KLF8: variants seen among roughly 807,000 people sequenced by gnomAD.
The protein encoded by KLF8 is Krueppel-like factor 8.
Under a neutral mutation model 18.2 loss-of-function variants are expected in KLF8, and 10 were observed. The ratio of observed to expected loss-of-function variants is 0.55; its 90% confidence interval spans 0.34 to 0.93. KLF8 has a LOEUF of 0.93. Among genes scored for constraint, KLF8 ranks in the 40% least tolerant of loss-of-function variants. The probability of loss-of-function intolerance (pLI) is 0.02; values close to 1 mark genes in which losing one functional copy is unlikely to be tolerated. For missense variants in KLF8, 264 were observed against 277.9 expected, an observed-to-expected ratio of 0.95 and a Z score of 0.36; for synonymous variants, 109 against 97.3, an observed-to-expected ratio of 1.12 and a Z score of -0.71.
the KLF8 span, among the ~76,000 whole-genome samples, chrX:56,174,774 T>G: frequency 2.7e-5 from 3 of 111,624 alleles, no homozygotes; most frequent in African/African-American, 6.5e-5. Context: ...CAATTTCAGA[T>G]CCTGTTATTG....
chrX:56,286,103 C>A lies in KLF8; in HGVS notation c.*1609C>A, dbSNP rs1026228088. The A allele has an allele frequency of 9.0e-6, 1 of 110,894 alleles. No individual in the cohort carries two copies. The highest frequency in any genetic ancestry group is 3.9e-4 in the South Asian group (1 of 2,562). 9.1% of individuals were successfully genotyped at this position (110,894 alleles called of 1,213,427 possible). A position where few individuals can be genotyped will look rare whatever the true frequency, so the allele number is the denominator to read the frequency against. On this transcript the variant is annotated 3_prime_UTR_variant, in exon 6 of 6. Coordinates refer to ENST00000468660, the MANE Select transcript of KLF8 (RefSeq NM_007250.5). ...GTCAGATTTTTTTCTCCAGATGTTT[C>A]TTTGAGCCCTTATACACCTGCACGC...
chrX:56,049,728 C>CT, the KLF8 span, among the ~76,000 whole-genome samples: 3 of 109,244 alleles, frequency 2.7e-5, no homozygotes, highest in Non-Finnish European at 5.7e-5. Flanking sequence ...CTAAAATTCT[C>CT]TTTTTTTGTT....
the KLF8 span, among the ~76,000 whole-genome samples, chrX:56,213,495 G>T: frequency 9.4e-6 from 1 of 106,448 alleles, no homozygotes; most frequent in Non-Finnish European, 1.9e-5. Flanking sequence ...CTAATTTTTT[G>T]TATATTTAGT....
At chrX:56,181,796 C>CG in the KLF8 span, among the ~76,000 whole-genome samples, 7 of 104,737 alleles carry the variant, frequency 6.7e-5, no homozygotes, top group Non-Finnish European at 1.4e-4. Flanking sequence ...TGCTCCCCCC[C>CG]CTTCTGGCTT....
the KLF8 span, among the ~76,000 whole-genome samples, chrX:55,924,820 GT>G: frequency 0.19 from 14,871 of 78,747 alleles, 3,008 homozygotes; most frequent in African/African-American, 0.56. Flanking sequence ...TTTCGTGGTG[GT>G]TTTTTTTTTG....
At chrX:55,935,740 C>G in the KLF8 span, among the ~76,000 whole-genome samples, 8 of 111,843 alleles carry the variant, frequency 7.2e-5, no homozygotes, top group African/African-American at 2.3e-4. Context: ...ATCACTTATA[C>G]TTTTTATACA....
At chrX:56,127,836 T>G in the KLF8 span, among the ~76,000 whole-genome samples, 1 of 111,736 alleles carries the variant, frequency 8.9e-6, no homozygotes, top group African/African-American at 3.3e-5. Context: ...AAATTGAGTA[T>G]CTACAAAGTG....
At chrX:55,984,833 A>G in the KLF8 span, among the ~76,000 whole-genome samples, 2 of 111,229 alleles carry the variant, frequency 1.8e-5, no homozygotes, top group East Asian at 2.8e-4. Context: ...GTGAGATGGT[A>G]TCTCACTGTA....
the KLF8 span, among the ~76,000 whole-genome samples, chrX:55,967,738 T>C: frequency 9.0e-6 from 1 of 111,698 alleles, no homozygotes; most frequent in East Asian, 2.8e-4. Flanking sequence ...ATAATTGTAG[T>C]TTGTAAACTA....
At chrX:56,169,321 A>C in the KLF8 span, among the ~76,000 whole-genome samples, 3 of 111,319 alleles carry the variant, frequency 2.7e-5, no homozygotes, top group African/African-American at 9.8e-5. Context: ...TGGAGGGAAA[A>C]GTAAAGGGGA....
At chrX:56,019,949 T>A in the KLF8 span, among the ~76,000 whole-genome samples, 1 of 111,297 alleles carries the variant, frequency 9.0e-6, no homozygotes, top group Non-Finnish European at 1.9e-5. Flanking sequence ...AATCTCAGAG[T>A]CTTATTTGAC....
the KLF8 span, among the ~76,000 whole-genome samples, chrX:55,978,376 C>T: frequency 1.8e-5 from 2 of 112,097 alleles, no homozygotes; most frequent in African/African-American, 3.2e-5. Context: ...GAAAAGGCTG[C>T]ATTTCAAAGA....
chrX:56,162,394 C>T, the KLF8 span, among the ~76,000 whole-genome samples: 2 of 112,205 alleles, frequency 1.8e-5, no homozygotes, highest in African/African-American at 3.2e-5. Flanking sequence ...AGGCAGGCCT[C>T]CTTGAGCTGC....
rs996113029 is a variant in KLF8 at position 56,287,575 on chromosome X, C to T, written c.*3081C>T. On this transcript the variant is annotated 3_prime_UTR_variant, in exon 6 of 6. Transcript: ENST00000468660. ...ATTTGTTGCAGCAGAATTCCTCTAT[C>T]TGATGATCAGCAGTTGAACATAAAC... 2.7e-5 allele frequency: 3 copies of T among 112,029 alleles called. No homozygotes were observed. The highest frequency in any genetic ancestry group is 9.7e-5 in the African/African-American group (3 of 30,886). The allele number at this position is 112,029 out of a possible 1,213,427, so 9.2% of individuals were successfully genotyped here.
chrX:56,053,158 C>T, the KLF8 span, among the ~76,000 whole-genome samples: 4 of 112,236 alleles, frequency 3.6e-5, no homozygotes, highest in Non-Finnish European at 7.5e-5. Flanking sequence ...CTGACCTGCG[C>T]CCACTGTCTG....
At chrX:55,911,147 A>C in the KLF8 span, among the ~76,000 whole-genome samples, 2 of 112,335 alleles carry the variant, frequency 1.8e-5, no homozygotes, top group Admixed American at 9.4e-5. Flanking sequence ...AATCGTAAGC[A>C]AGAGAAAATA....
At chrX:56,188,376 C>T in the KLF8 span, among the ~76,000 whole-genome samples, 3 of 110,840 alleles carry the variant, frequency 2.7e-5, no homozygotes, top group Non-Finnish European at 5.7e-5. Flanking sequence ...AAAGAGGATA[C>T]AAAAAAATGG....
the KLF8 span, among the ~76,000 whole-genome samples, chrX:56,168,234 A>T: frequency 8.9e-6 from 1 of 112,417 alleles, no homozygotes; most frequent in Non-Finnish European, 1.9e-5. Flanking sequence ...GTCAACAAAC[A>T]AGAATCAGTT....
the KLF8 span, among the ~76,000 whole-genome samples, chrX:56,009,915 A>C: frequency 4.4e-5 from 5 of 112,475 alleles, no homozygotes; most frequent in African/African-American, 9.7e-5. Context: ...TGGAGTAAAA[A>C]TAATGAAAAG....
Sources: allele counts gnomAD v4.1 joint callset (sites outside exome capture counted in the v4.1 genomes callset), GRCh38; gene constraint gnomAD v4.1.1; transcripts MANE v1.5; gene names NCBI Gene and HGNC (gene_info 2026-07-23, HGNC 2026-07-21).